DLC1: variants seen among roughly 807,000 people sequenced by gnomAD.
DLC1 encodes rho GTPase-activating protein 7.
In DLC1, 54 loss-of-function variants were observed where a neutral mutation model predicts 140.3. That is an observed-to-expected ratio of 0.38 (90% CI 0.31 to 0.48). The LOEUF (loss-of-function observed/expected upper bound fraction) is 0.48, where lower values mean the gene tolerates loss of function less well. DLC1 is among the 20% of genes least tolerant of loss of function. The pLI is 0.96. For missense variants in DLC1, 2,536 were observed against 1,907.0 expected, an observed-to-expected ratio of 1.33 and a Z score of -6.14; for synonymous variants, 986 against 728.1, an observed-to-expected ratio of 1.35 and a Z score of -5.70.
intron 1 of DLC1, among the ~76,000 whole-genome samples, chr8:13,553,839 C>A (rs1412221804): frequency 6.6e-6 from 1 of 152,148 alleles, no homozygotes; most frequent in Non-Finnish European, 1.5e-5. Flanking sequence ...ATAGTTAATT[C>A]TTAGCCCTTA....
rs542439200 is a variant in DLC1 at position 13,249,845 on chromosome 8, C to T, written c.1348+55424G>A. Among the ~76,000 whole-genome samples, 244 of 152,290 alleles carry T rather than the reference C, an allele frequency of 1.6e-3. 3 individuals carry two copies. Among genetic ancestry groups the T allele is most frequent in the Non-Finnish European group, 3.2e-4 (22 of 68,022 alleles). Reference sequence around the variant, plus strand: ...TTCTTTTTCATTCTCAGGAGAATGTCTCCATGTGACAAGTCTCCACCCAGG... The same window carrying T: ...TTCTTTTTCATTCTCAGGAGAATGTTTCCATGTGACAAGTCTCCACCCAGG... On this transcript the variant is annotated intron_variant, in intron 5 of 17. Coordinates refer to ENST00000276297, the MANE Select transcript of DLC1 (RefSeq NM_182643.3).
At position 13,415,510 on chromosome 8, in the gene DLC1, C is replaced by T. The variant is rs561059710; in HGVS notation, c.1024-13891G>A. 1.5e-4 allele frequency among the ~76,000 whole-genome samples: 23 copies of T among 151,846 alleles called. 1 individual carries two copies. In the South Asian group the frequency reaches 3.7e-3, roughly 25 times the overall value. ...CACCTCCTGGGTTCATGCCATTCTC[C>T]TACCTCAGCCTACCTAGTAGCAGGG... On this transcript the variant is annotated intron_variant, in intron 2 of 17. Transcript: ENST00000276297.
intron 2 of DLC1, among the ~76,000 whole-genome samples, chr8:13,495,059 C>T (rs973531789): frequency 9.9e-5 from 15 of 152,258 alleles, no homozygotes; most frequent in Admixed American, 2.6e-4. Context: ...AATTAGGTGT[C>T]TTCTTAAAGT....
intron 5 of DLC1, among the ~76,000 whole-genome samples, chr8:13,185,283 G>GTTTTT (rs113333274): frequency 4.6e-5 from 6 of 130,840 alleles, no homozygotes; most frequent in South Asian, 5.1e-4. Context: ...TGTCTTTTCT[G>GTTTTT]TTTTTTTTGT....
intron 4 of DLC1, among the ~76,000 whole-genome samples, chr8:13,380,445 C>T (rs541190417): frequency 6.6e-6 from 1 of 152,152 alleles, no homozygotes; most frequent in South Asian, 2.1e-4. Context: ...TTTAATATTC[C>T]CCTTCCTCCA....
chr8:13,350,412 C>CT (rs1440431328), intron 4 of DLC1, among the ~76,000 whole-genome samples: 6 of 151,812 alleles, frequency 4.0e-5, no homozygotes, highest in African/African-American at 1.5e-4. Flanking sequence ...GTATGAAGTG[C>CT]TAAGTATAAA....
intron 5 of DLC1, among the ~76,000 whole-genome samples, chr8:13,172,926 T>C (rs1422291312): frequency 6.6e-6 from 1 of 152,218 alleles, no homozygotes; most frequent in Non-Finnish European, 1.5e-5. Flanking sequence ...ATGTTGCTGC[T>C]TCTCTGATTA....
chr8:13,280,443 G>C (rs1831326377), intron 5 of DLC1, among the ~76,000 whole-genome samples: 1 of 152,150 alleles, frequency 6.6e-6, no homozygotes, highest in South Asian at 2.1e-4. Flanking sequence ...CAGATCCCTG[G>C]AGAACAGAGG....
intron 5 of DLC1, among the ~76,000 whole-genome samples, chr8:13,275,122 G>A (rs78592222): frequency 0.013 from 1,962 of 152,186 alleles, 44 homozygotes; most frequent in African/African-American, 0.044. Flanking sequence ...TACTTTCTCC[G>A]TCAGTCCTGG....
intron 5 of DLC1, among the ~76,000 whole-genome samples, chr8:13,148,838 G>T (rs958545511): frequency 7.2e-5 from 11 of 151,926 alleles, no homozygotes; most frequent in African/African-American, 2.7e-4. Context: ...TGTCTCCCAG[G>T]CTGGAGTGCA....
intron 5 of DLC1, among the ~76,000 whole-genome samples, chr8:13,241,979 C>G (rs1829563596): frequency 6.6e-6 from 1 of 152,026 alleles, no homozygotes; most frequent in Admixed American, 6.6e-5. Context: ...GCAGATGAAG[C>G]CATTAAAGGA....
chr8:13,406,192 T>TG (rs1837554179), intron 2 of DLC1, among the ~76,000 whole-genome samples: 2 of 134,772 alleles, frequency 1.5e-5, no homozygotes, highest in African/African-American at 5.7e-5. Flanking sequence ...TTTTTTTTTT[T>TG]TTTTTTCAGT....
rs1268422622 is a variant in DLC1, at chr8:13,406,969, A to C, written c.1024-5350T>G. On this transcript the variant is annotated intron_variant, in intron 2 of 17. Coordinates refer to ENST00000276297, the MANE Select transcript of DLC1 (RefSeq NM_182643.3). Reference sequence around the variant, plus strand: ...TGTGTCTGTGTAGTGCTAAGAACAGAAACATCCTGTTGCTTTGGGACTGCA... The same window carrying C: ...TGTGTCTGTGTAGTGCTAAGAACAGCAACATCCTGTTGCTTTGGGACTGCA... Among the ~76,000 whole-genome samples, 4 of 152,234 alleles carry C rather than the reference A, an allele frequency of 2.6e-5. 1 individual carries two copies. Among genetic ancestry groups the C allele is most frequent in the African/African-American group, 9.6e-5 (4 of 41,460 alleles).
At position 13,567,793 on chromosome 8, in the gene DLC1, A is replaced by G. The variant is rs146773735; in HGVS notation, c.-126+36744T>C. 23 of 1,551,886 alleles carry G rather than the reference A, an allele frequency of 1.5e-5. 1 individual carries two copies. Among genetic ancestry groups the G allele is most frequent in the African/African-American group, 1.4e-4 (10 of 73,184 alleles). On this transcript the variant is annotated intron_variant, in intron 1 of 1. Transcript: ENST00000631382. ...AATAATCTGGAAAAGACTGACTGAG[A>G]AAAGTCATATCAGATACTCTGGTTT... is the stretch of plus-strand genomic sequence containing the variant.
intron 2 of DLC1, among the ~76,000 whole-genome samples, chr8:13,465,701 T>A (rs1261335203): frequency 1.3e-5 from 2 of 152,226 alleles, no homozygotes; most frequent in South Asian, 4.1e-4. Context: ...TTCCTTATAC[T>A]GTGTTTCTCT....
At chr8:13,156,116 G>A (rs1465649) in intron 5 of DLC1, among the ~76,000 whole-genome samples, 14,270 of 152,136 alleles carry the variant, frequency 0.094, 730 homozygotes, top group African/African-American at 0.12. Flanking sequence ...AAGATGTGGC[G>A]ACAGTATTCA....
intron 1 of DLC1, among the ~76,000 whole-genome samples, chr8:13,510,192 G>A (rs1403075186): frequency 1.5e-5 from 2 of 137,606 alleles, no homozygotes; most frequent in African/African-American, 5.4e-5. Context: ...TTTTTTTCCT[G>A]AGATGAAGTT....
intron 2 of DLC1, among the ~76,000 whole-genome samples, chr8:13,461,824 C>A (rs894789976): frequency 3.9e-5 from 6 of 152,066 alleles, no homozygotes; most frequent in African/African-American, 1.2e-4. Flanking sequence ...TCTTCGTTAC[C>A]CCGTACTATC....
At chr8:13,566,974 C>G (rs964306475) in intron 1 of DLC1, 2 of 1,528,278 alleles carry the variant, frequency 1.3e-6, no homozygotes, top group African/African-American at 2.8e-5. Context: ...GATGAGGAGC[C>G]GAGCCTGATG....
Sources: gnomAD v4.1 joint callset for allele counts (sites outside exome capture counted in the v4.1 genomes callset) on GRCh38, gnomAD v4.1.1 for gene constraint, MANE v1.5 for transcripts, NCBI Gene and HGNC (gene_info 2026-07-23, HGNC 2026-07-21) for gene names.